The following CNTNAP2 variants were observed in gnomAD, a reference collection of about 807,000 sequenced individuals.
CNTNAP2 encodes the protein contactin associated protein 2, also known as contactin-associated protein-like 2.
Under a neutral mutation model 155.2 loss-of-function variants are expected in CNTNAP2, and 98 were observed. The ratio of observed to expected loss-of-function variants is 0.63; its 90% CI spans 0.54 to 0.75. The LOEUF is 0.75. Ranked by LOEUF, CNTNAP2 falls within the 30% of genes least tolerant of loss-of-function variation. CNTNAP2 has a pLI of 0.00. For synonymous variants in CNTNAP2, 651 were observed against 631.2 expected, an observed-to-expected ratio of 1.03 and a Z score of -0.47; for missense variants, 1,727 against 1,688.1, an observed-to-expected ratio of 1.02 and a Z score of -0.40.
Position 146,679,160 on chromosome 7 carries a change from C to G in CNTNAP2, c.98-95111C>G, listed in dbSNP as rs746414344. Among the ~76,000 whole-genome samples, 5 of 152,154 alleles carry G rather than the reference C, an allele frequency of 3.3e-5. No individual in the cohort carries two copies. The South Asian group carries it at 8.3e-4, about 25-fold the overall frequency. ...TTATTTCTGATCCTCTTCCTCCTCC[C>G]ACCCTCAGCCTTCTGATAGGCCCTA... is the stretch of plus-strand genomic sequence containing the variant. On this transcript the variant is annotated intron_variant, in intron 1 of 23. Coordinates refer to ENST00000361727, the MANE Select transcript of CNTNAP2 (RefSeq NM_014141.6).
chr7:147,925,489 C>T (rs572592908), intron 14 of CNTNAP2, among the ~76,000 whole-genome samples: 9 of 151,368 alleles, frequency 5.9e-5, no homozygotes, highest in African/African-American at 2.2e-4. Context: ...TTTTTTGAGA[C>T]GGAGTCTCGC....
At chr7:147,765,333 T>C (rs888040862) in intron 13 of CNTNAP2, among the ~76,000 whole-genome samples, 2 of 152,148 alleles carry the variant, frequency 1.3e-5, no homozygotes, top group African/African-American at 2.4e-5. Flanking sequence ...CTAGAAGACA[T>C]TCAGTAATCA....
At chr7:146,132,115 G>T (rs1420763846) in intron 1 of CNTNAP2, among the ~76,000 whole-genome samples, 4 of 152,134 alleles carry the variant, frequency 2.6e-5, no homozygotes, top group African/African-American at 4.8e-5. Context: ...ATAAACTCAT[G>T]CAGTATCTGT....
chr7:146,753,065 A>G (rs1400978213), intron 1 of CNTNAP2, among the ~76,000 whole-genome samples: 4 of 152,168 alleles, frequency 2.6e-5, no homozygotes, highest in Non-Finnish European at 5.9e-5. Flanking sequence ...TTTTCTGACC[A>G]AAGCTTCATC....
rs1414147878 is a variant in CNTNAP2, at chr7:147,262,253, AAGAC to A, written c.1349-37884_1349-37881del. 2.0e-5 allele frequency among the ~76,000 whole-genome samples: 3 copies of A among 152,224 alleles called. No homozygotes were observed. In the East Asian group the frequency reaches 5.8e-4, roughly 29 times the overall value. ...TGCAATGATTTTACTTGAATGCGGAAAGACAGAATGCTAAAGCTCAAGCATTGAA... is the reference window on the plus strand; with the variant it reads ...TGCAATGATTTTACTTGAATGCGGAAAGAATGCTAAAGCTCAAGCATTGAA... On this transcript the variant is annotated intron_variant, in intron 8 of 23. Coordinates refer to ENST00000361727, the MANE Select transcript of CNTNAP2 (RefSeq NM_014141.6).
At chr7:147,123,908 G>A (rs1440222809) in intron 6 of CNTNAP2, among the ~76,000 whole-genome samples, 1 of 152,136 alleles carries the variant, frequency 6.6e-6, no homozygotes, top group African/African-American at 2.4e-5. Flanking sequence ...CAGGCATGGT[G>A]GCAGGCATCT....
At chr7:146,824,736 G>T (rs146040579) in intron 2 of CNTNAP2, among the ~76,000 whole-genome samples, 2 of 152,146 alleles carry the variant, frequency 1.3e-5, no homozygotes, top group East Asian at 3.9e-4. Flanking sequence ...TTAAAGCTCA[G>T]ACAGGAAATG....
chr7:147,576,248 C>T (rs1800394978), intron 12 of CNTNAP2, among the ~76,000 whole-genome samples: 1 of 152,068 alleles, frequency 6.6e-6, no homozygotes, highest in South Asian at 2.1e-4. Context: ...GACCTCACCA[C>T]TGTGTCTTTT....
intron 21 of CNTNAP2, among the ~76,000 whole-genome samples, chr7:148,307,512 T>C (rs550237706): frequency 1.4e-4 from 21 of 152,212 alleles, no homozygotes; most frequent in Non-Finnish European, 2.9e-4. Flanking sequence ...AAAAGGTTGT[T>C]ATCATCCCCT....
intron 1 of CNTNAP2, among the ~76,000 whole-genome samples, chr7:146,310,193 C>G (rs1429489607): frequency 1.3e-5 from 2 of 152,108 alleles, no homozygotes; most frequent in African/African-American, 4.8e-5. Context: ...TGTTTCTGTT[C>G]TCTTTGGTAC....
intron 3 of CNTNAP2, among the ~76,000 whole-genome samples, chr7:146,884,518 A>G (rs1023499458): frequency 1.3e-5 from 2 of 152,144 alleles, no homozygotes; most frequent in Non-Finnish European, 2.9e-5. Context: ...CCTACTCAGT[A>G]TGTATTGAGT....
At chr7:146,514,928 T>G (rs1797518752) in intron 1 of CNTNAP2, among the ~76,000 whole-genome samples, 1 of 152,070 alleles carries the variant, frequency 6.6e-6, no homozygotes, top group Non-Finnish European at 1.5e-5. Context: ...TTATTAGCAT[T>G]ACATGTCACC....
At chr7:148,195,345 T>C (rs1178590937) in intron 18 of CNTNAP2, among the ~76,000 whole-genome samples, 1 of 152,238 alleles carries the variant, frequency 6.6e-6, no homozygotes, top group Admixed American at 6.5e-5. Context: ...ATGTTTATTT[T>C]TCATGTGAGT....
chr7:147,379,599 C>G (rs1245226970), intron 9 of CNTNAP2, among the ~76,000 whole-genome samples: 1 of 151,978 alleles, frequency 6.6e-6, no homozygotes, highest in Non-Finnish European at 1.5e-5. Context: ...TTTAATTCAG[C>G]AAGTTTATGG....
intron 1 of CNTNAP2, among the ~76,000 whole-genome samples, chr7:146,499,368 A>G (rs958080384): frequency 6.6e-6 from 1 of 152,058 alleles, no homozygotes; most frequent in Non-Finnish European, 1.5e-5. Context: ...TTTAGTACAG[A>G]CCGGGTTTCA....
chr7:146,592,617 A>G (rs1202657302), intron 1 of CNTNAP2, among the ~76,000 whole-genome samples: 4 of 152,190 alleles, frequency 2.6e-5, no homozygotes, highest in Non-Finnish European at 4.4e-5. Context: ...ATTATTGTGA[A>G]CAGATCAGAA....
At chr7:146,607,644 T>G (rs1161207500) in intron 1 of CNTNAP2, among the ~76,000 whole-genome samples, 1 of 151,826 alleles carries the variant, frequency 6.6e-6, no homozygotes, top group Non-Finnish European at 1.5e-5. Context: ...TCTCGCTAAT[T>G]TTTTAAAATT....
chr7:147,164,194 A>G (rs1419235647), intron 8 of CNTNAP2, among the ~76,000 whole-genome samples: 1 of 152,220 alleles, frequency 6.6e-6, no homozygotes, highest in Non-Finnish European at 1.5e-5. Context: ...AACTGTTTGT[A>G]ACTATTTCTT....
chr7:148,006,869 G>C (rs1801992366), intron 15 of CNTNAP2, among the ~76,000 whole-genome samples: 1 of 152,154 alleles, frequency 6.6e-6, no homozygotes, highest in Non-Finnish European at 1.5e-5. Context: ...ACAGTAATTT[G>C]TATCTTCAGG....
Sources: allele counts gnomAD v4.1 joint callset (sites outside exome capture counted in the v4.1 genomes callset), GRCh38; gene constraint gnomAD v4.1.1; transcripts MANE v1.5; gene names NCBI Gene and HGNC (gene_info 2026-07-23, HGNC 2026-07-21).